The following RBM19 variants were observed in gnomAD, a reference collection of about 807,000 sequenced individuals.
The protein encoded by RBM19 is RNA binding motif protein 19.
In RBM19, 94 loss-of-function variants were observed where a neutral mutation model predicts 116.8. The observed-to-expected ratio is 0.80, with a 90% CI of 0.68 to 0.95. The LOEUF is 0.95. Among genes scored for constraint, RBM19 ranks in the 40% least tolerant of loss-of-function variants. The pLI is 0.00. For missense variants in RBM19, 1,161 were observed against 1,220.7 expected (o/e 0.95, Z 0.73); for synonymous variants, 475 against 494.1 (o/e 0.96, Z 0.51).
intron 18 of RBM19, among the ~76,000 whole-genome samples, chr12:113,923,436 T>G (rs1868770160): frequency 6.6e-6 from 1 of 152,142 alleles, no homozygotes; most frequent in South Asian, 2.1e-4. Context: ...CTGTGGCACT[T>G]TCTTATGGCA....
intron 23 of RBM19, among the ~76,000 whole-genome samples, chr12:113,827,517 C>T (rs951917235): frequency 2.2e-3 from 7 of 3,250 alleles, no homozygotes; most frequent in African/African-American, 0.016. Context: ...GGAGAAAGGG[C>T]GGGGGGGCGG....
chr12:113,854,566 C>A (rs1350185890), intron 22 of RBM19, among the ~76,000 whole-genome samples: 2 of 152,182 alleles, frequency 1.3e-5, no homozygotes, highest in East Asian at 3.9e-4. Flanking sequence ...ATAACACCAG[C>A]ATTTTCAGAG....
chr12:113,821,762 C>T (rs553174174), downstream of RBM19, among the ~76,000 whole-genome samples: 21 of 152,272 alleles, frequency 1.4e-4, no homozygotes, highest in Non-Finnish European at 2.2e-4. Context: ...TAAAAATAAA[C>T]GGCTGGGGAA....
intron 21 of RBM19, among the ~76,000 whole-genome samples, chr12:113,868,929 C>T (rs1196333854): frequency 6.6e-6 from 1 of 152,188 alleles, no homozygotes; most frequent in Non-Finnish European, 1.5e-5. Context: ...CCGGCACCTG[C>T]CACCACCTTT....
intron 23 of RBM19, among the ~76,000 whole-genome samples, chr12:113,832,114 A>C (rs1235913513): frequency 6.6e-6 from 1 of 152,156 alleles, no homozygotes; most frequent in Non-Finnish European, 1.5e-5. Context: ...CCTCTCCTGG[A>C]ACCACTTCCC....
chr12:113,934,459 C>A (rs2049563991), intron 16 of RBM19, among the ~76,000 whole-genome samples: 1 of 152,224 alleles, frequency 6.6e-6, no homozygotes. Context: ...GACTTAGAAC[C>A]ATGCCTAGCA....
intron 16 of RBM19, among the ~76,000 whole-genome samples, chr12:113,936,329 T>C (rs566895497): frequency 5.3e-5 from 8 of 152,196 alleles, no homozygotes; most frequent in Non-Finnish European, 8.8e-5. Context: ...GTCCTTAGAC[T>C]ATGAGGTCCT....
intron 13 of RBM19, 78 bp from the exon 14 acceptor site, chr12:113,942,512 G>C (rs1432909213): frequency 1.7e-6 from 2 of 1,193,934 alleles, no homozygotes. Context: ...CCAACAGCCT[G>C]AAGAGGAGGC....
At chr12:113,930,627 C>T (rs1246814621) in intron 16 of RBM19, among the ~76,000 whole-genome samples, 1 of 152,228 alleles carries the variant, frequency 6.6e-6, no homozygotes, top group African/African-American at 2.4e-5. Flanking sequence ...CTTACCCTCC[C>T]CTTCGGGAGG....
intron 16 of RBM19, chr12:113,927,544 T>C (rs12422551): frequency 0.034 from 9,425 of 280,366 alleles, 474 homozygotes; most frequent in Admixed American, 0.15. Flanking sequence ...TGTGAACTGT[T>C]TTACTGAACC....
chr12:113,820,245 T>TAAAAAA (rs10667485), downstream of RBM19, among the ~76,000 whole-genome samples: 1 of 140,048 alleles, frequency 7.1e-6, no homozygotes, highest in Non-Finnish European at 1.5e-5. Flanking sequence ...ACTGATGAAC[T>TAAAAAA]AAAAAAAAAA....
chr12:113,934,464 C>A (rs886252117), intron 16 of RBM19, among the ~76,000 whole-genome samples: 1 of 152,314 alleles, frequency 6.6e-6, no homozygotes, highest in Non-Finnish European at 1.5e-5. Flanking sequence ...AGAACCATGC[C>A]TAGCATGGCA....
intron 18 of RBM19, 87 bp downstream of exon 18, chr12:113,924,610 C>A: frequency 8.2e-7 from 1 of 1,212,376 alleles, no homozygotes; most frequent in South Asian, 1.2e-5. Context: ...AGAACTACCC[C>A]AACCCCTTGT....
At chr12:113,839,395 C>G (rs991201524) in intron 23 of RBM19, among the ~76,000 whole-genome samples, 3 of 152,206 alleles carry the variant, frequency 2.0e-5, no homozygotes, top group African/African-American at 7.2e-5. Flanking sequence ...AGACTGACAT[C>G]TCTAGCACGC....
intron 21 of RBM19, among the ~76,000 whole-genome samples, chr12:113,899,602 T>C (rs550291106): frequency 4.6e-5 from 7 of 152,286 alleles, no homozygotes; most frequent in Admixed American, 4.6e-4. Flanking sequence ...CTGGAGTTCA[T>C]GGTTGTTTCT....
intron 16 of RBM19, chr12:113,932,642 C>T (rs555956000): frequency 6.6e-6 from 1 of 152,358 alleles, no homozygotes; most frequent in South Asian, 2.1e-4. Flanking sequence ...GGAGCCAAGG[C>T]CATGAAGCCA....
intron 21 of RBM19, among the ~76,000 whole-genome samples, chr12:113,886,250 A>C (rs1172254815): frequency 2.0e-5 from 3 of 152,082 alleles, no homozygotes; most frequent in Admixed American, 6.5e-5. Context: ...CTCCCACCTC[A>C]GCCTCCAGAG....
At chr12:113,847,373 T>C (rs1212233382) in intron 22 of RBM19, among the ~76,000 whole-genome samples, 3 of 152,170 alleles carry the variant, frequency 2.0e-5, no homozygotes, top group Admixed American at 6.5e-5. Context: ...AAAAACTCTT[T>C]CTGACTGCCA....
chr12:113,888,379 C>T (rs764110967), intron 21 of RBM19, among the ~76,000 whole-genome samples: 1 of 152,294 alleles, frequency 6.6e-6, no homozygotes, highest in Middle Eastern at 3.4e-3. Flanking sequence ...GCCCAAATCT[C>T]GACTGGCTTT....
Sources: gnomAD v4.1 joint callset for allele counts (sites outside exome capture counted in the v4.1 genomes callset) on GRCh38, gnomAD v4.1.1 for gene constraint, MANE v1.5 for transcripts, NCBI Gene and HGNC (gene_info 2026-07-23, HGNC 2026-07-21) for gene names.